BMPR1A: variants seen among roughly 807,000 people sequenced by gnomAD.
BMPR1A encodes bone morphogenetic protein receptor type 1A.
A neutral mutation model predicts 66.0 loss-of-function variants in BMPR1A; 7 were observed. The observed-to-expected ratio is 0.11, with a 90% confidence interval of 0.06 to 0.20. The LOEUF is 0.20. BMPR1A is among the 10% of genes least tolerant of loss of function. The pLI is 1.00. For missense variants in BMPR1A, 408 were observed against 669.1 expected (o/e 0.61, Z 4.31); for synonymous variants, 200 against 229.7 (o/e 0.87, Z 1.17).
intron 1 of BMPR1A, among the ~76,000 whole-genome samples, chr10:86,789,441 C>T (rs1375066499): frequency 6.6e-6 from 1 of 151,934 alleles, no homozygotes; most frequent in Admixed American, 6.6e-5. Context: ...GGCTGGGCGC[C>T]GTGGCTCACA....
chr10:86,847,879 G>A (rs1330882493), intron 2 of BMPR1A, among the ~76,000 whole-genome samples: 1 of 150,900 alleles, frequency 6.6e-6, no homozygotes, highest in Non-Finnish European at 1.5e-5. Context: ...GTCTGTTTGT[G>A]TATTCCATTC....
chr10:86,921,838 C>T, intron 11 of BMPR1A, 143 bp downstream of exon 11: 2 of 1,006,196 alleles, frequency 2.0e-6, no homozygotes, highest in East Asian at 2.6e-5. Flanking sequence ...TATTTTGATA[C>T]AGGCATGCCA....
rs537424421 is a variant in BMPR1A at position 86,925,625 on chromosome 10, G to A, written c.*1906G>A. On this transcript the variant is annotated 3_prime_UTR_variant, in exon 13 of 13. Coordinates refer to ENST00000372037, the MANE Select transcript of BMPR1A (RefSeq NM_004329.3). ...GAGAAATACAAATATTTTAATCTGC[G>A]TTGCCGTATGATATGATTGCACTTA... 5 of 196,516 alleles carry A rather than the reference G, an allele frequency of 2.5e-5. No individual in the cohort carries two copies. Among genetic ancestry groups the A allele is most frequent in the East Asian group, 8.1e-5 (1 of 12,374 alleles). The allele number at this position is 196,516 out of a possible 1,614,324, so 12.2% of individuals were successfully genotyped here.
intron 1 of BMPR1A, among the ~76,000 whole-genome samples, chr10:86,760,188 GTTTTTT>G (rs58326501): frequency 7.5e-5 from 4 of 53,376 alleles, no homozygotes; most frequent in South Asian, 8.5e-4. Flanking sequence ...AGATTTACCT[GTTTTTT>G]TTTTTTTTTT....
chr10:86,764,249 T>C (rs1841127373), intron 1 of BMPR1A, among the ~76,000 whole-genome samples: 2 of 151,494 alleles, frequency 1.3e-5, no homozygotes, highest in South Asian at 2.1e-4. Flanking sequence ...TAAAAGAAGC[T>C]CTTGTTAGAA....
downstream of BMPR1A, chr10:86,930,497 C>G (rs1843797340): frequency 6.6e-6 from 1 of 152,298 alleles, no homozygotes; most frequent in African/African-American, 2.4e-5. Flanking sequence ...AGGCTGGTCT[C>G]GAACTCCCAA....
At chr10:86,821,829 G>A (rs1304874053) in intron 1 of BMPR1A, among the ~76,000 whole-genome samples, 7 of 151,612 alleles carry the variant, frequency 4.6e-5, no homozygotes, top group South Asian at 2.1e-4. Flanking sequence ...TTCTTGAGAC[G>A]GGTTCTTGGC....
chr10:86,849,334 G>T (rs1014844488), intron 2 of BMPR1A, among the ~76,000 whole-genome samples: 2 of 152,154 alleles, frequency 1.3e-5, no homozygotes, highest in African/African-American at 4.8e-5. Context: ...GGATTTCCCA[G>T]TCTGGAATGC....
Position 86,838,856 on chromosome 10 carries a change from T to C in BMPR1A, c.-267-9T>C, listed in dbSNP as rs1057520240. 6.6e-6 allele frequency: 1 copy of C among 152,184 alleles called. No individual in the cohort carries two copies. The highest frequency in any genetic ancestry group is 1.5e-5 in the Non-Finnish European group (1 of 68,026). 9.4% of individuals were successfully genotyped at this position (152,184 alleles called of 1,614,324 possible). A position where few individuals can be genotyped will look rare whatever the true frequency, so the allele number is the denominator to read the frequency against. On this transcript the variant is annotated splice_polypyrimidine_tract_variant and intron_variant, in intron 1 of 12. Coordinates refer to ENST00000372037, the MANE Select transcript of BMPR1A (RefSeq NM_004329.3). ...AAGTCTTAAATAAGTTCTTTTTTTT[T>C]CTAAACAGACTTATGAAAATATGCA... is the stretch of plus-strand genomic sequence containing the variant.
chr10:86,917,029 G>A, intron 8 of BMPR1A, 105 bp from the exon 9 acceptor site: 1 of 1,232,658 alleles, frequency 8.1e-7, no homozygotes, highest in South Asian at 1.3e-5. Context: ...TTTAACTGGA[G>A]TTGGTTGGGT....
chr10:86,759,073 A>C (rs1840983864), intron 1 of BMPR1A, among the ~76,000 whole-genome samples: 1 of 152,196 alleles, frequency 6.6e-6, no homozygotes, highest in African/African-American at 2.4e-5. Context: ...AAGAACTTCA[A>C]ATGGAGACCT....
In BMPR1A at chr10:86,843,717, A is replaced by G. The variant is rs144932063; in HGVS notation, c.-153+4738A>G. 1.1e-3 allele frequency among the ~76,000 whole-genome samples: 162 copies of G among 152,358 alleles called. 1 individual carries two copies. Among genetic ancestry groups the G allele is most frequent in the Admixed American group, 2.0e-3 (31 of 15,292 alleles). Reference sequence around the variant, plus strand: ...TTCTGGAAAAGTGCATGGATAGAAAATGAATGTTTTTGTAGGAATGTGGTG... The same window carrying G: ...TTCTGGAAAAGTGCATGGATAGAAAGTGAATGTTTTTGTAGGAATGTGGTG... On this transcript the variant is annotated intron_variant, in intron 2 of 12. Coordinates refer to ENST00000372037, the MANE Select transcript of BMPR1A (RefSeq NM_004329.3).
At chr10:86,786,140 C>T (rs1292629833) in intron 1 of BMPR1A, among the ~76,000 whole-genome samples, 1 of 152,136 alleles carries the variant, frequency 6.6e-6, no homozygotes, top group Non-Finnish European at 1.5e-5. Context: ...AATGAACTGA[C>T]CATGCTTCTA....
At chr10:86,877,244 G>C (rs2133328530) in intron 3 of BMPR1A, among the ~76,000 whole-genome samples, 1 of 141,668 alleles carries the variant, frequency 7.1e-6, no homozygotes, top group Admixed American at 7.3e-5. Flanking sequence ...GTCTCGCTCT[G>C]TCACCGAGGC....
At chr10:86,894,114 C>T (rs2133421636) in intron 5 of BMPR1A, among the ~76,000 whole-genome samples, 3 of 151,918 alleles carry the variant, frequency 2.0e-5, no homozygotes, top group Admixed American at 2.0e-4. Flanking sequence ...TGTGATATGA[C>T]CAAGGAAAAA....
At chr10:86,810,755 C>A (rs929318114) in intron 1 of BMPR1A, among the ~76,000 whole-genome samples, 5 of 152,102 alleles carry the variant, frequency 3.3e-5, no homozygotes, top group Non-Finnish European at 5.9e-5. Context: ...TGGGTTATTT[C>A]TCTTTTTATT....
At chr10:86,861,003 G>A (rs954365280) in intron 2 of BMPR1A, among the ~76,000 whole-genome samples, 58 of 151,816 alleles carry the variant, frequency 3.8e-4, no homozygotes, top group African/African-American at 1.4e-3. Context: ...CACCACGCCC[G>A]GCTAATGTTT....
intron 1 of BMPR1A, among the ~76,000 whole-genome samples, chr10:86,820,402 AG>A (rs1842105861): frequency 6.7e-6 from 1 of 150,072 alleles, no homozygotes. Context: ...GAGAAGCTAG[AG>A]GGTACCAAAT....
At chr10:86,809,708 A>G (rs1484630516) in intron 1 of BMPR1A, among the ~76,000 whole-genome samples, 1 of 147,688 alleles carries the variant, frequency 6.8e-6, no homozygotes, top group African/African-American at 2.5e-5. Flanking sequence ...CTCCCCAAGT[A>G]TTGGGATTGC....
Sources: gnomAD v4.1 joint callset for allele counts (sites outside exome capture counted in the v4.1 genomes callset) on GRCh38, gnomAD v4.1.1 for gene constraint, MANE v1.5 for transcripts, NCBI Gene and HGNC (gene_info 2026-07-23, HGNC 2026-07-21) for gene names.